The following APC2 variants were observed in gnomAD, a reference collection of about 807,000 sequenced individuals.
APC2 encodes the protein adenomatous polyposis coli protein 2.
In APC2, 41 loss-of-function variants were observed where a neutral mutation model predicts 72.5. That is an observed-to-expected ratio of 0.57 (90% CI 0.44 to 0.73). APC2 has a LOEUF of 0.73. APC2 is among the 30% of genes least tolerant of loss of function. The pLI is 0.00. For synonymous variants in APC2, 1,898 were observed against 1,612.0 expected (o/e 1.18, Z -4.25); for missense variants, 3,729 against 3,403.4 (o/e 1.10, Z -2.38).
At position 1,468,766 on chromosome 19, in the gene APC2, G is replaced by C. The variant is rs1313970201; in HGVS notation, c.5465G>C (p.Cys1822Ser). 1.3e-6 allele frequency: 2 copies of C among 1,503,392 alleles called. No homozygotes were observed. The allele number at this position is 1,503,392 out of a possible 1,614,324, so 93.1% of individuals were successfully genotyped here. ...RATPRKVAPP[C>S]LAQPAAPAKV... ...ACACCGCGGAAGGTGGCGCCCCCTT[G>C]CCTGGCACAGCCCGCGGCTCCAGCC... The change falls in exon 15 of 15, where the codon TGC becomes TCC. Residue 1822 changes from cysteine (C) to serine (S), a missense_variant. Coordinates refer to ENST00000590469, the MANE Select transcript of APC2 (RefSeq NM_005883.3).
rs1418840102 is a variant in APC2 at position 1,471,284 on chromosome 19, T to C, written c.*1071T>C. On this transcript the variant is annotated 3_prime_UTR_variant, in exon 15 of 15. Coordinates refer to ENST00000590469, the MANE Select transcript of APC2 (RefSeq NM_005883.3). ...TTTTCAATTCCCTTCTGGTTCATGA[T>C]GCATAAAGCGCTAGGCCCTAGAACT... 1 of 152,422 alleles carries C rather than the reference T, an allele frequency of 6.6e-6. No homozygotes were observed. Among genetic ancestry groups the C allele is most frequent in the Non-Finnish European group, 1.5e-5 (1 of 68,184 alleles). 9.4% of individuals were successfully genotyped at this position (152,422 alleles called of 1,614,324 possible).
At chr19:1,460,724 G>A (rs1599145075) in intron 11 of APC2, 56 bp from the exon 12 acceptor site, 28 of 1,553,468 alleles carry the variant, frequency 1.8e-5, no homozygotes, top group Non-Finnish European at 2.1e-5. Context: ...GGAGGTGAGG[G>A]GCACAGTCTC....
rs773578644 is a variant in APC2, at chr19:1,466,730, G to A, written c.3429G>A (p.Thr1143=). The A allele has an allele frequency of 2.1e-5, 33 of 1,539,820 alleles. No homozygotes were observed. The highest frequency in any genetic ancestry group is 2.0e-4 in the South Asian group (17 of 83,974). ...RGRGLGVEDA[T]PSSSSENYVQ... ...GGGGCCTGGGGGTGGAAGACGCCACGCCGTCCAGCTCGTCGGAGAACTACG... is the reference window on the plus strand; with the variant it reads ...GGGGCCTGGGGGTGGAAGACGCCACACCGTCCAGCTCGTCGGAGAACTACG... Residue 1143 remains threonine, a synonymous_variant, in exon 15 of 15, where the codon ACG becomes ACA. Coordinates refer to ENST00000590469, the MANE Select transcript of APC2 (RefSeq NM_005883.3).
intron 14 of APC2, among the ~76,000 whole-genome samples, chr19:1,464,309 C>G (rs1290587436): frequency 6.8e-6 from 1 of 146,754 alleles, no homozygotes; most frequent in African/African-American, 2.5e-5. Flanking sequence ...AACTCCATCT[C>G]AGAAAAAAAA....
intron 13 of APC2, 143 bp from the exon 14 acceptor site, chr19:1,461,820 C>A (rs1383902725): frequency 4.3e-6 from 3 of 698,684 alleles, no homozygotes; most frequent in East Asian, 2.7e-5. Flanking sequence ...CCACTGCACT[C>A]CAGCCTGGGG....
chr19:1,461,885 T>C, intron 13 of APC2, 78 bp from the exon 14 acceptor site: 1 of 1,254,106 alleles, frequency 8.0e-7, no homozygotes, highest in Non-Finnish European at 1.1e-6. Context: ...AAAACCCAAC[T>C]TCACTGAATG....
Position 1,470,205 on chromosome 19 carries a change from C to T in APC2, c.6904C>T (p.Leu2302=). The change falls in exon 15 of 15, where the codon CTG becomes TTG. Residue 2302 remains leucine (L), a synonymous_variant. Transcript: ENST00000590469. ...CCCGGCCACTGCCTCCGCCACCCTC[C>T]TGGAATAGTGGCCTAGGCCGGCCTT... The part of the protein sequence containing the change: ...KAPATASATL[L]E The T allele has an allele frequency of 6.3e-7, 1 of 1,593,836 alleles. No homozygotes were observed. The highest frequency in any genetic ancestry group is 8.5e-7 in the Non-Finnish European group (1 of 1,172,368).
At chr19:1,451,037 G>A (rs2083736777) in intron 1 of APC2, among the ~76,000 whole-genome samples, 1 of 152,186 alleles carries the variant, frequency 6.6e-6, no homozygotes, top group African/African-American at 2.4e-5. Context: ...TGGGAGAAAT[G>A]GGATCTCACT....
Position 1,461,959 on chromosome 19 carries a change from C to T in APC2, c.1639-4C>T. The T allele has an allele frequency of 1.2e-6, 2 of 1,602,142 alleles. No homozygotes were observed. The highest frequency in any genetic ancestry group is 1.7e-6 in the Non-Finnish European group (2 of 1,171,154). On this transcript the variant is annotated splice_region_variant and splice_polypyrimidine_tract_variant and intron_variant, in intron 13 of 14. Transcript: ENST00000590469. The stretch of plus-strand genomic sequence containing the variant: ...GACCCGCCCCTCTCCCGCCCCTCGT[C>T]CAGGAGTCCACCCTGAAGAGCGTGC...
rs1250091238 is a variant in APC2, at chr19:1,468,114, G to A, written c.4813G>A (p.Ala1605Thr). ...PAVHPRGREP[A>T]VTKDPGPGGG... ...CGTCCATCCACGAGGCCGGGAGCCC[G>A]CGGTCACCAAGGACCCGGGCCCAGG... Residue 1605 changes from alanine to threonine, a missense_variant, in exon 15 of 15, where the codon GCG becomes ACG. Transcript: ENST00000590469. 3.0e-5 allele frequency: 46 copies of A among 1,520,156 alleles called. No individual in the cohort carries two copies. The highest frequency in any genetic ancestry group is 4.0e-5 in the Non-Finnish European group (46 of 1,141,728). The allele number at this position is 1,520,156 out of a possible 1,614,324, so 94.2% of individuals were successfully genotyped here.
Position 1,467,753 on chromosome 19 carries a change from C to T in APC2, c.4452C>T (p.Pro1484=), listed in dbSNP as rs889773975. Residue 1484 remains proline, a synonymous_variant, in exon 15 of 15, where the codon CCC becomes CCT. Transcript: ENST00000590469. ...SAPADKDGSK[P]GRTRGDGALQ... is the part of the protein sequence containing the mutation. ...CCGCAGACAAGGACGGCTCAAAGCCCGGCCGGACCCGCGGGGACGGGGCGC... is the reference window on the plus strand; with the variant it reads ...CCGCAGACAAGGACGGCTCAAAGCCTGGCCGGACCCGCGGGGACGGGGCGC... The T allele has an allele frequency of 7.7e-6, 11 of 1,432,922 alleles. No homozygotes were observed. The East Asian group carries it at 1.1e-4, about 14-fold the overall frequency. 88.8% of individuals were successfully genotyped at this position (1,432,922 alleles called of 1,614,324 possible).
Position 1,469,253 on chromosome 19 carries a change from G to C in APC2, c.5952G>C (p.Glu1984Asp). 1.4e-6 allele frequency: 2 copies of C among 1,427,796 alleles called. No individual in the cohort carries two copies. The highest frequency in any genetic ancestry group is 1.8e-6 in the Non-Finnish European group (2 of 1,088,968). The allele number at this position is 1,427,796 out of a possible 1,614,324, so 88.4% of individuals were successfully genotyped here. ...RVASALSSGS[E>D]SSDRSGFRRQ... Reference sequence around the variant, plus strand: ...CCTCAGCCCTCTCCAGCGGCAGCGAGTCCTCCGACCGCTCGGGCTTCCGGC... The same window carrying C: ...CCTCAGCCCTCTCCAGCGGCAGCGACTCCTCCGACCGCTCGGGCTTCCGGC... The change falls in exon 15 of 15, where the codon GAG becomes GAC. Residue 1984 changes from glutamate to aspartate, a missense_variant. Physicochemically the swap from Glu to Asp is conservative, Grantham distance 45 (BLOSUM62 2). Transcript: ENST00000590469.
At chr19:1,458,737 GAC>G in intron 10 of APC2, among the ~76,000 whole-genome samples, 1 of 152,022 alleles carries the variant, frequency 6.6e-6, no homozygotes, top group East Asian at 2.0e-4. Flanking sequence ...TTTTTTTTGA[GAC>G]AGAGTCTCAC....
At chr19:1,462,970 TAAAAAAA>T (rs542373416) in intron 14 of APC2, among the ~76,000 whole-genome samples, 2 of 118,170 alleles carry the variant, frequency 1.7e-5, no homozygotes, top group South Asian at 5.5e-4. Context: ...GATTCCGTCT[TAAAAAAA>T]AAAAAAAATT....
At chr19:1,458,109 G>A in intron 10 of APC2, 49 bp downstream of exon 10, 2 of 1,510,786 alleles carry the variant, frequency 1.3e-6, no homozygotes, top group East Asian at 2.4e-5. Context: ...CCCCGAACAG[G>A]TGGTGGCTCC....
chr19:1,453,417 C>G lies in APC2; in HGVS notation c.233-14C>G, dbSNP rs2083770102. 1.9e-6 allele frequency: 3 copies of G among 1,603,996 alleles called. No individual in the cohort carries two copies. The highest frequency in any genetic ancestry group is 1.7e-5 in the Admixed American group (1 of 59,616). ...GCAGGGCCGCTGACCTCCGCCCTGTCCCCGCCCATCCAGCCCTACAGATGG... is the reference window on the plus strand; with the variant it reads ...GCAGGGCCGCTGACCTCCGCCCTGTGCCCGCCCATCCAGCCCTACAGATGG... On this transcript the variant is annotated splice_polypyrimidine_tract_variant and intron_variant, in intron 3 of 14. Coordinates refer to ENST00000590469, the MANE Select transcript of APC2 (RefSeq NM_005883.3).
rs775372406 is a variant in APC2 at position 1,468,319 on chromosome 19, C to T, written c.5018C>T (p.Ala1673Val). Residue 1673 changes from alanine to valine, a missense_variant, in exon 15 of 15, where the codon GCG becomes GTG. Physicochemically the swap from Ala to Val is moderately conservative, Grantham distance 64 (BLOSUM62 0). Transcript: ENST00000590469. ...TCCCGGGAACGCGGCGAGGAGGCAG[C>T]GGGCTCGGACCGGGCCTCCGACCTG... is the stretch of plus-strand genomic sequence containing the variant. ...EGSRERGEEAAGSDRASDLDS... is the reference protein window; with the variant it reads ...EGSRERGEEAVGSDRASDLDS... 3 of 1,549,230 alleles carry T rather than the reference C, an allele frequency of 1.9e-6. No homozygotes were observed. Among genetic ancestry groups the T allele is most frequent in the South Asian group, 2.4e-5 (2 of 83,694 alleles).
chr19:1,470,049 G>A lies in APC2; in HGVS notation c.6748G>A (p.Gly2250Arg), dbSNP rs761467670. 2 of 1,578,996 alleles carry A rather than the reference G, an allele frequency of 1.3e-6. No homozygotes were observed. Among genetic ancestry groups the A allele is most frequent in the South Asian group, 1.1e-5 (1 of 87,228 alleles). The change falls in exon 15 of 15, where the codon GGG (glycine) becomes AGG (arginine). Residue 2250 changes from glycine (G) to arginine (R), a missense_variant. Gly to Arg is a moderately radical substitution (Grantham distance 125). Coordinates refer to ENST00000590469, the MANE Select transcript of APC2 (RefSeq NM_005883.3). ...CGCACCCTTCGTGCACGAGGGCCTG[G>A]GGGTCGCCGTGGGGGGCTTCCCCGC... The part of the protein sequence containing the change: ...ISAPFVHEGL[G>R]VAVGGFPASR...
At chr19:1,450,562 A>T (rs1161285112) in intron 1 of APC2, among the ~76,000 whole-genome samples, 2 of 151,958 alleles carry the variant, frequency 1.3e-5, no homozygotes, top group African/African-American at 2.4e-5. Flanking sequence ...GACCTCCCTG[A>T]GGTGATCGGA....
Sources: allele counts gnomAD v4.1 joint callset (sites outside exome capture counted in the v4.1 genomes callset), GRCh38; gene constraint gnomAD v4.1.1; transcripts MANE v1.5; gene names NCBI Gene and HGNC (gene_info 2026-07-23, HGNC 2026-07-21).